NEK10: variants seen among roughly 807,000 people sequenced by gnomAD.
NEK10 encodes the protein NIMA related kinase 10, also known as serine/threonine-protein kinase Nek10.
Under a neutral mutation model 159.8 loss-of-function variants are expected in NEK10, and 122 were observed. The ratio of observed to expected loss-of-function variants is 0.76; its 90% CI spans 0.66 to 0.89. NEK10 has a LOEUF of 0.89. Among genes scored for constraint, NEK10 ranks in the 40% least tolerant of loss-of-function variants. NEK10 has a pLI of 0.00. For missense variants in NEK10, 1,342 were observed against 1,323.1 expected (o/e 1.01, Z -0.22); for synonymous variants, 466 against 457.1 (o/e 1.02, Z -0.25).
At chr3:27,331,262 A>AACAAAAAAAAAAAAC (rs1553639046) in intron 5 of NEK10, among the ~76,000 whole-genome samples, 1 of 110,082 alleles carries the variant, frequency 9.1e-6, no homozygotes, top group Non-Finnish European at 2.0e-5. Flanking sequence ...AAAAAAAAAA[A>AACAAAAAAAAAAAAC]ACACACAAAC....
At position 27,230,838 on chromosome 3, in the gene NEK10, C is replaced by T. The variant is rs114482852; in HGVS notation, c.2090+25458G>A. Among the ~76,000 whole-genome samples, 1,359 of 151,974 alleles carry T rather than the reference C, an allele frequency of 8.9e-3. 16 individuals carry two copies. Among genetic ancestry groups the T allele is most frequent in the African/African-American group, 0.031 (1,294 of 41,494 alleles). On this transcript the variant is annotated intron_variant, in intron 23 of 35. Transcript: ENST00000691995. The stretch of plus-strand genomic sequence containing the variant: ...AAGACATTACAATCCTAAATACATA[C>T]GCACCTAACACTGGAGCTCCCAGAT...
chr3:27,165,782 AG>A (rs1384472819), intron 29 of NEK10, among the ~76,000 whole-genome samples: 1 of 152,212 alleles, frequency 6.6e-6, no homozygotes, highest in Non-Finnish European at 1.5e-5. Context: ...TGAATAATCT[AG>A]GAATTAGCAT....
intron 13 of NEK10, among the ~76,000 whole-genome samples, chr3:27,297,750 T>C (rs1424431297): frequency 3.3e-5 from 5 of 152,072 alleles, no homozygotes; most frequent in Admixed American, 2.6e-4. Context: ...TGACCAGGAG[T>C]GCAGCCCCAG....
chr3:27,349,434 C>T (rs1403811622), intron 3 of NEK10, among the ~76,000 whole-genome samples: 1 of 152,122 alleles, frequency 6.6e-6, no homozygotes, highest in African/African-American at 2.4e-5. Flanking sequence ...ATGCTCACTG[C>T]ATGCATCATT....
chr3:27,139,316 G>T (rs1943545862), intron 31 of NEK10, among the ~76,000 whole-genome samples: 1 of 152,078 alleles, frequency 6.6e-6, no homozygotes, highest in Middle Eastern at 3.2e-3. Context: ...ACCTTTCTTT[G>T]CTTGAAAACC....
intron 30 of NEK10, among the ~76,000 whole-genome samples, chr3:27,142,916 TA>T (rs1943926505): frequency 6.6e-6 from 1 of 152,228 alleles, no homozygotes; most frequent in South Asian, 2.1e-4. Context: ...ATACCTTGTT[TA>T]AATGTTTGAA....
intron 26 of NEK10, among the ~76,000 whole-genome samples, chr3:27,188,687 G>T (rs1458572326): frequency 2.0e-5 from 3 of 152,062 alleles, no homozygotes; most frequent in Non-Finnish European, 4.4e-5. Flanking sequence ...ACTCAATTCT[G>T]CTCCATTTGT....
At chr3:27,177,855 T>C (rs1947674288) in intron 26 of NEK10, among the ~76,000 whole-genome samples, 1 of 152,198 alleles carries the variant, frequency 6.6e-6, no homozygotes, top group African/African-American at 2.4e-5. Flanking sequence ...AGCAAGTACA[T>C]TAACCTATTA....
intron 23 of NEK10, among the ~76,000 whole-genome samples, chr3:27,219,001 G>A (rs930938039): frequency 1.3e-5 from 2 of 152,182 alleles, no homozygotes; most frequent in Non-Finnish European, 2.9e-5. Context: ...CACAAGAAGG[G>A]TAAGAGATTT....
chr3:27,223,789 G>T (rs558881516), intron 23 of NEK10, among the ~76,000 whole-genome samples: 1 of 152,208 alleles, frequency 6.6e-6, no homozygotes, highest in South Asian at 2.1e-4. Context: ...CTCCCCTGAG[G>T]CTCCAGAAAC....
Position 27,256,325 on chromosome 3 carries a change from G to C in NEK10, c.2061C>G (p.Thr687=), listed in dbSNP as rs3213930. The C allele has an allele frequency of 0.54, 842,807 of 1,559,310 alleles. 236,977 individuals are homozygous for C. The highest frequency in any genetic ancestry group is 0.91 in the African/African-American group (65,207 of 71,396). The change falls in exon 23 of 36, where the codon ACC becomes ACG. Residue 687 remains threonine (T), a synonymous_variant. Transcript: ENST00000691995. ...AKQKQENSKL[T]SVVGTILYSC... ...AATACAGGATTGTTCCAACCACAGA[G>C]GTGAGTTTACTGTTTTCTTGTTTTT...
intron 10 of NEK10, among the ~76,000 whole-genome samples, chr3:27,308,654 A>G (rs550169452): frequency 1.3e-5 from 2 of 152,336 alleles, no homozygotes; most frequent in South Asian, 4.1e-4. Context: ...TATTATGGTA[A>G]TTTTGAAATT....
At chr3:27,135,232 G>A (rs2125540674) in intron 31 of NEK10, among the ~76,000 whole-genome samples, 1 of 152,158 alleles carries the variant, frequency 6.6e-6, no homozygotes, top group African/African-American at 2.4e-5. Context: ...ACCAGCCTTG[G>A]GCAACATGGC....
Position 27,156,929 on chromosome 3 carries a change from G to GATATATATATATAT in NEK10, c.2869+5758_2869+5771dup, listed in dbSNP as rs4016654. Among the ~76,000 whole-genome samples the GATATATATATATAT allele has an allele frequency of 1.1e-4, 3 of 28,340 alleles. 1 individual carries two copies. The highest frequency in any genetic ancestry group is 2.1e-4 in the Non-Finnish European group (3 of 14,136). The allele number at this position is 28,340 out of a possible 152,430, so 18.6% of individuals were successfully genotyped here. Reference sequence around the variant, plus strand: ...CAATCAAGGAGTGCATAAAGAAACTGATATATATATATATATATATATATA... The same window carrying GATATATATATATAT: ...CAATCAAGGAGTGCATAAAGAAACTGATATATATATATATATATATATATATATATATATATATA... On this transcript the variant is annotated intron_variant, in intron 30 of 35. Transcript: ENST00000691995.
chr3:27,198,448 G>A (rs1949748835), intron 25 of NEK10, among the ~76,000 whole-genome samples: 1 of 151,882 alleles, frequency 6.6e-6, no homozygotes, highest in Admixed American at 6.6e-5. Context: ...ATAGACCAAT[G>A]GAACAGAAAA....
chr3:27,250,331 C>T (rs901033923), intron 23 of NEK10, among the ~76,000 whole-genome samples: 13 of 151,942 alleles, frequency 8.6e-5, no homozygotes, highest in East Asian at 3.9e-4. Flanking sequence ...GGACTACAGG[C>T]GCCCACCACC....
chr3:27,288,217 C>T (rs2042756311), intron 19 of NEK10, among the ~76,000 whole-genome samples: 2 of 152,136 alleles, frequency 1.3e-5, no homozygotes, highest in African/African-American at 4.8e-5. Context: ...TTTCTATGCT[C>T]TCCAAAATGA....
At chr3:27,180,008 G>A (rs1002342742) in intron 26 of NEK10, among the ~76,000 whole-genome samples, 2 of 152,130 alleles carry the variant, frequency 1.3e-5, no homozygotes, top group Non-Finnish European at 2.9e-5. Context: ...TTAAACCTGG[G>A]AGGCGGAGGT....
chr3:27,179,348 ATCTT>A (rs1947839946), intron 26 of NEK10, among the ~76,000 whole-genome samples: 1 of 152,224 alleles, frequency 6.6e-6, no homozygotes, highest in Non-Finnish European at 1.5e-5. Flanking sequence ...TTATTATACT[ATCTT>A]AATTAGAACG....
Sources: allele counts gnomAD v4.1 joint callset (sites outside exome capture counted in the v4.1 genomes callset), GRCh38; gene constraint gnomAD v4.1.1; transcripts MANE v1.5; gene names NCBI Gene and HGNC (gene_info 2026-07-23, HGNC 2026-07-21).